PPP3CB: variants seen among roughly 807,000 people sequenced by gnomAD.
The protein encoded by PPP3CB is serine/threonine-protein phosphatase 2B catalytic subunit beta isoform.
A neutral mutation model predicts 66.4 loss-of-function variants in PPP3CB; 8 were observed. The observed-to-expected ratio is 0.12, with a 90% CI of 0.07 to 0.22. The LOEUF is 0.22. PPP3CB is among the 10% of genes least tolerant of loss of function. The pLI, the probability that PPP3CB is intolerant of heterozygous loss-of-function variation, is 1.00. For missense variants in PPP3CB, 319 were observed against 642.5 expected (o/e 0.50, Z 5.44); for synonymous variants, 208 against 221.2 (o/e 0.94, Z 0.53).
intron 9 of PPP3CB, among the ~76,000 whole-genome samples, chr10:73,454,876 CTT>C (rs542229717): frequency 5.6e-5 from 8 of 143,862 alleles, no homozygotes; most frequent in African/African-American, 7.5e-5. Context: ...AGGATTTAAT[CTT>C]TTTTTTTTTT....
intron 4 of PPP3CB, among the ~76,000 whole-genome samples, chr10:73,473,653 A>T (rs994233374): frequency 7.9e-5 from 12 of 152,122 alleles, no homozygotes; most frequent in African/African-American, 2.4e-4. Flanking sequence ...TGTCTCAAAA[A>T]AAAAATAAAA....
At chr10:73,467,437 T>C in intron 9 of PPP3CB, 116 bp downstream of exon 9, 1 of 808,954 alleles carries the variant, frequency 1.2e-6, no homozygotes, top group Non-Finnish European at 1.8e-6. Flanking sequence ...CAAGGAGAGC[T>C]GTAACCACAG....
At chr10:73,465,141 T>C (rs1319218283) in intron 9 of PPP3CB, among the ~76,000 whole-genome samples, 1 of 152,106 alleles carries the variant, frequency 6.6e-6, no homozygotes, top group Non-Finnish European at 1.5e-5. Flanking sequence ...TGATAATTGT[T>C]GAAGATGAAT....
At chr10:73,487,811 G>A (rs571643207) in intron 1 of PPP3CB, among the ~76,000 whole-genome samples, 7 of 147,704 alleles carry the variant, frequency 4.7e-5, no homozygotes, top group African/African-American at 1.3e-4. Context: ...ACAGAGTCTC[G>A]CTCTGTTGCC....
intron 1 of PPP3CB, among the ~76,000 whole-genome samples, chr10:73,480,319 C>T (rs2056852954): frequency 6.6e-6 from 1 of 152,154 alleles, no homozygotes. Context: ...ATTGAAGTCA[C>T]TTTCTGAGTC....
At chr10:73,473,335 TAC>T (rs942986797) in intron 4 of PPP3CB, among the ~76,000 whole-genome samples, 16 of 152,292 alleles carry the variant, frequency 1.1e-4, no homozygotes, top group African/African-American at 3.6e-4. Context: ...CTCTACTTAA[TAC>T]AGTCATAAAT....
chr10:73,461,846 G>A (rs964703920), intron 9 of PPP3CB, among the ~76,000 whole-genome samples: 2 of 152,194 alleles, frequency 1.3e-5, no homozygotes, highest in African/African-American at 4.8e-5. Context: ...AGTGTTGGAG[G>A]TGGAGCCTGG....
At chr10:73,446,341 C>T in intron 11 of PPP3CB, 151 bp downstream of exon 11, 1 of 682,090 alleles carries the variant, frequency 1.5e-6, no homozygotes, top group Non-Finnish European at 2.5e-6. Context: ...CTCAGGTGAT[C>T]CGCCCGCCTT....
At chr10:73,463,220 T>C (rs1442593039) in intron 9 of PPP3CB, among the ~76,000 whole-genome samples, 1 of 152,210 alleles carries the variant, frequency 6.6e-6, no homozygotes, top group African/African-American at 2.4e-5. Context: ...TCTCCGTTCC[T>C]AATGCTACCA....
chr10:73,477,185 C>T (rs773311486), intron 3 of PPP3CB: 6 of 518,804 alleles, frequency 1.2e-5, no homozygotes, highest in South Asian at 2.8e-5. Flanking sequence ...GAGGATTAAT[C>T]GATATGTCTT....
Position 73,471,607 on chromosome 10 carries a change from AT to A in PPP3CB, c.529del (p.Ile177LeufsTer24). On this transcript the variant is annotated frameshift_variant, in exon 5 of 14. Coordinates refer to ENST00000360663, the MANE Select transcript of PPP3CB (RefSeq NM_021132.4). LOFTEE classifies it high-confidence loss of function. ...EYFTFKQECKIKYSERVYEAC... is the reference protein window; with the variant it reads ...EYFTFKQECKXKYSERVYEAC... ...TTCATAGACTCTTTCCGAATACTTA[AT>A]TTTACCTAGAAAAACAAAAAACTAA... is the stretch of plus-strand genomic sequence containing the variant. 6.3e-7 allele frequency: 1 copy of A among 1,587,212 alleles called. No homozygotes were observed. Among genetic ancestry groups the A allele is most frequent in the Non-Finnish European group, 8.5e-7 (1 of 1,170,870 alleles).
At chr10:73,438,732 G>T (rs2132741898) in intron 13 of PPP3CB, among the ~76,000 whole-genome samples, 1 of 152,292 alleles carries the variant, frequency 6.6e-6, no homozygotes, top group South Asian at 2.1e-4. Flanking sequence ...CAGGGTCTCA[G>T]TCTGACTTCT....
chr10:73,454,275 AG>A, intron 10 of PPP3CB, 136 bp downstream of exon 10: 1 of 449,430 alleles, frequency 2.2e-6, no homozygotes, highest in Non-Finnish European at 3.9e-6. Context: ...ATCCAAAAAA[AG>A]TAACTTGTTA....
At chr10:73,450,291 G>A (rs954901695) in intron 10 of PPP3CB, among the ~76,000 whole-genome samples, 16 of 152,132 alleles carry the variant, frequency 1.1e-4, no homozygotes, top group Admixed American at 2.0e-4. Flanking sequence ...TAGGAAAAGA[G>A]GAAGGAGAGA....
At chr10:73,467,441 A>G (rs1218145216) in intron 9 of PPP3CB, 112 bp downstream of exon 9, 2 of 838,962 alleles carry the variant, frequency 2.4e-6, no homozygotes, top group Admixed American at 7.4e-5. Flanking sequence ...GAGAGCTGTA[A>G]CCACAGTGAA....
intron 12 of PPP3CB, chr10:73,444,475 A>G (rs2056213551): frequency 9.1e-7 from 1 of 1,103,894 alleles, no homozygotes; most frequent in Non-Finnish European, 1.3e-6. Context: ...AGCTGCTCCC[A>G]TATCATTTCA....
At chr10:73,483,132 G>A (rs2056909993) in intron 1 of PPP3CB, among the ~76,000 whole-genome samples, 1 of 152,134 alleles carries the variant, frequency 6.6e-6, no homozygotes, top group Admixed American at 6.5e-5. Context: ...GAAAAAGAAA[G>A]TATAAACTGA....
intron 4 of PPP3CB, 136 bp from the exon 5 acceptor site, chr10:73,471,749 ATAGT>A (rs1323102521): frequency 2.9e-6 from 2 of 699,578 alleles, no homozygotes; most frequent in African/African-American, 1.8e-5. Flanking sequence ...TGAAATTGAG[ATAGT>A]TACAGTTTCA....
intron 9 of PPP3CB, among the ~76,000 whole-genome samples, chr10:73,456,747 C>G (rs1472272902): frequency 6.6e-6 from 1 of 152,002 alleles, no homozygotes; most frequent in Non-Finnish European, 1.5e-5. Context: ...AAAAAACGGG[C>G]AAATCTTTAT....
Sources: gnomAD v4.1 joint callset for allele counts (sites outside exome capture counted in the v4.1 genomes callset) on GRCh38, gnomAD v4.1.1 for gene constraint, MANE v1.5 for transcripts, NCBI Gene and HGNC (gene_info 2026-07-23, HGNC 2026-07-21) for gene names.